SPON1: variants seen among roughly 807,000 people sequenced by gnomAD.
SPON1 encodes spondin-1.
In SPON1, 52 loss-of-function variants were observed where a neutral mutation model predicts 111.7. That is an observed-to-expected ratio of 0.47 (90% CI 0.37 to 0.59). SPON1 has a LOEUF of 0.59. Ranked by LOEUF, SPON1 falls within the 20% of genes least tolerant of loss-of-function variation. The probability of loss-of-function intolerance (pLI) is 0.00; values close to 1 mark genes in which losing one functional copy is unlikely to be tolerated. For missense variants in SPON1, 957 were observed against 1,068.5 expected (o/e 0.90, Z 1.46); for synonymous variants, 410 against 395.8 (o/e 1.04, Z -0.43).
At chr11:14,041,712 AGG>A in intron 3 of SPON1, 58 bp downstream of exon 3, 1 of 1,574,214 alleles carries the variant, frequency 6.4e-7, no homozygotes, top group Non-Finnish European at 8.6e-7. Flanking sequence ...GTGTGATTGC[AGG>A]GAAAAAAAAA....
intron 6 of SPON1, among the ~76,000 whole-genome samples, chr11:14,160,536 T>TATATATATATTTAC (rs1554930898): frequency 7.4e-4 from 7 of 9,410 alleles, no homozygotes; most frequent in Non-Finnish European, 8.9e-4. Flanking sequence ...TATATATATT[T>TATATATATATTTAC]ATATATATAT....
intron 2 of SPON1, among the ~76,000 whole-genome samples, chr11:14,029,277 T>C (rs1848541197): frequency 6.6e-6 from 1 of 152,122 alleles, no homozygotes; most frequent in South Asian, 2.1e-4. Context: ...AAAATGCTGC[T>C]GGAAATGTAA....
intron 6 of SPON1, among the ~76,000 whole-genome samples, chr11:14,164,215 A>G (rs146912558): frequency 0.02 from 2,984 of 152,298 alleles, 38 homozygotes; most frequent in Middle Eastern, 0.031. Context: ...CTGTGCTGAA[A>G]TGGCAGAAAC....
At position 14,257,775 on chromosome 11, in the gene SPON1, T is replaced by G. The variant is rs1554941392; in HGVS notation, c.1369T>G (p.Ser457Ala). ...NWSPWSACSSSTCDKGKRMRQ... is the reference protein window; with the variant it reads ...NWSPWSACSSATCDKGKRMRQ... ...GTCCCCATGGTCCGCCTGCAGCTCC[T>G]CCACCTGTGACAAAGGCAAGAGGAT... is the stretch of plus-strand genomic sequence containing the variant. Residue 457 changes from serine to alanine, a missense_variant, in exon 11 of 16, where the codon TCC becomes GCC. This residue lies in a region of SPON1 where 549 missense variants were observed against 606.2 expected (regional missense o/e 0.91). Transcript: ENST00000576479. 6.2e-7 allele frequency: 1 copy of G among 1,613,304 alleles called. No homozygotes were observed. The highest frequency in any genetic ancestry group is 2.2e-5 in the East Asian group (1 of 44,864).
At chr11:14,117,982 A>T (rs536193642) in intron 5 of SPON1, among the ~76,000 whole-genome samples, 7 of 152,262 alleles carry the variant, frequency 4.6e-5, no homozygotes, top group Admixed American at 1.3e-4. Flanking sequence ...ATTTCTCACT[A>T]CCTCTTCTCT....
At chr11:14,041,689 CAA>C (rs782304561) in intron 3 of SPON1, 35 bp downstream of exon 3, 4 of 1,606,098 alleles carry the variant, frequency 2.5e-6, no homozygotes, top group East Asian at 2.2e-5. Context: ...TGCAGTTTAT[CAA>C]AGACTTTGTG....
Position 14,256,650 on chromosome 11 carries a change from G to A in SPON1, c.1267G>A (p.Asp423Asn), listed in dbSNP as rs951377079. The A allele has an allele frequency of 9.9e-6, 16 of 1,613,662 alleles. No individual in the cohort carries two copies. Among genetic ancestry groups the A allele is most frequent in the African/African-American group, 1.3e-5 (1 of 75,020 alleles). ...ATGCAATATTGTACCTGACAATGTC[G>A]ATGATATTGTAGCTGACCTGGCTCC... is the stretch of plus-strand genomic sequence containing the variant. ...EQCNIVPDNV[D>N]DIVADLAPEE... is the part of the protein sequence containing the mutation. The change falls in exon 10 of 16, where the codon GAT (aspartate) becomes AAT (asparagine). Residue 423 changes from aspartate (D) to asparagine (N), a missense_variant. By Grantham distance (23) the Asp-to-Asn change is conservative. This residue lies in a region of SPON1 where 549 missense variants were observed against 606.2 expected (regional missense o/e 0.91). Transcript: ENST00000576479.
intron 6 of SPON1, among the ~76,000 whole-genome samples, chr11:14,139,805 G>A (rs1004303559): frequency 6.6e-6 from 1 of 151,818 alleles, no homozygotes; most frequent in Non-Finnish European, 1.5e-5. Context: ...TAGATAAACC[G>A]GTCAGGGAAA....
chr11:13,965,508 G>T (rs539889965), intron 1 of SPON1, among the ~76,000 whole-genome samples: 2 of 152,196 alleles, frequency 1.3e-5, no homozygotes, highest in African/African-American at 4.8e-5. Context: ...AGCAGGTGGG[G>T]AACTGGGACT....
intron 6 of SPON1, among the ~76,000 whole-genome samples, chr11:14,185,867 C>T (rs1848281165): frequency 6.6e-6 from 1 of 152,178 alleles, no homozygotes; most frequent in Non-Finnish European, 1.5e-5. Flanking sequence ...TTTAATATGC[C>T]CGTCTAACTG....
chr11:14,094,212 A>C (rs1554923659), intron 5 of SPON1, among the ~76,000 whole-genome samples: 2 of 115,030 alleles, frequency 1.7e-5, no homozygotes, highest in Admixed American at 9.0e-5. Flanking sequence ...ACTCTGTCTC[A>C]AAAAAAAAAA....
chr11:14,221,369 G>C (rs927777243), intron 6 of SPON1, among the ~76,000 whole-genome samples: 8 of 152,240 alleles, frequency 5.3e-5, no homozygotes, highest in African/African-American at 1.9e-4. Flanking sequence ...CTGAGGTTCA[G>C]ACAGGTAAAA....
chr11:14,164,215 A>T (rs146912558), intron 6 of SPON1, among the ~76,000 whole-genome samples: 1 of 152,184 alleles, frequency 6.6e-6, no homozygotes, highest in Non-Finnish European at 1.5e-5. Context: ...CTGTGCTGAA[A>T]TGGCAGAAAC....
Position 14,004,737 on chromosome 11 carries a change from C to G in SPON1, c.345+21784C>G, listed in dbSNP as rs1848345955. On this transcript the variant is annotated intron_variant, in intron 2 of 15. Transcript: ENST00000576479. The stretch of plus-strand genomic sequence containing the variant: ...GTTATTTACAAATTTTAGATATTAA[C>G]TCCTTATCAGATATGTGAAATGCAG... 2.0e-5 allele frequency among the ~76,000 whole-genome samples: 3 copies of G among 152,076 alleles called. No homozygotes were observed. The South Asian group carries it at 6.2e-4, about 32-fold the overall frequency.
In SPON1 at chr11:14,114,787, G is replaced by A. The variant is rs114581594; in HGVS notation, c.677-20633G>A. On this transcript the variant is annotated intron_variant, in intron 5 of 15. Transcript: ENST00000576479. The stretch of plus-strand genomic sequence containing the variant: ...CTGCACTGTAATTGCCTGTCCTCAC[G>A]TTTAATCCCCTAATATGCTGAGAGA... 2.8e-3 allele frequency among the ~76,000 whole-genome samples: 425 copies of A among 152,182 alleles called. 4 individuals carry two copies. The highest frequency in any genetic ancestry group is 9.7e-3 in the African/African-American group (402 of 41,504).
At chr11:14,263,924 G>A (rs989922189) in intron 15 of SPON1, among the ~76,000 whole-genome samples, 6 of 152,094 alleles carry the variant, frequency 3.9e-5, no homozygotes, top group Non-Finnish European at 8.8e-5. Flanking sequence ...AGCTACTCAG[G>A]AGGCTGAAGC....
chr11:14,208,623 C>T (rs567763903), intron 6 of SPON1, among the ~76,000 whole-genome samples: 9 of 152,114 alleles, frequency 5.9e-5, no homozygotes, highest in Non-Finnish European at 1.3e-4. Flanking sequence ...CCTTTGATTG[C>T]TCTATGTATT....
intron 6 of SPON1, among the ~76,000 whole-genome samples, chr11:14,169,126 A>C (rs1554932145): frequency 6.6e-6 from 1 of 152,216 alleles, no homozygotes; most frequent in East Asian, 1.9e-4. Flanking sequence ...CAATAGTGTG[A>C]AAGTGTTCCT....
chr11:14,057,812 T>C (rs1165229889), intron 3 of SPON1, among the ~76,000 whole-genome samples: 1 of 132,570 alleles, frequency 7.5e-6, no homozygotes, highest in Admixed American at 8.0e-5. Context: ...CTGGAAAACG[T>C]AGTGAGACCT....
Sources: allele counts gnomAD v4.1 joint callset (sites outside exome capture counted in the v4.1 genomes callset), GRCh38; gene constraint gnomAD v4.1.1; regional missense constraint gnomAD v4.1.1; transcripts MANE v1.5; gene names NCBI Gene and HGNC (gene_info 2026-07-23, HGNC 2026-07-21).